The following TTC39C variants were observed in gnomAD, a reference collection of about 807,000 sequenced individuals.
TTC39C encodes tetratricopeptide repeat domain 39C.
Under a neutral mutation model 76.3 loss-of-function variants are expected in TTC39C, and 33 were observed. That is an observed-to-expected ratio of 0.43 (90% CI 0.33 to 0.58). The LOEUF (loss-of-function observed/expected upper bound fraction) is 0.58, where lower values mean the gene tolerates loss of function less well. TTC39C is among the 20% of genes least tolerant of loss of function. The probability of loss-of-function intolerance (pLI) is 0.04; values close to 1 mark genes in which losing one functional copy is unlikely to be tolerated. For missense variants in TTC39C, 595 were observed against 701.4 expected (o/e 0.85, Z 1.71); for synonymous variants, 254 against 260.6 (o/e 0.97, Z 0.24).
chr18:24,079,763 G>A (rs1210617624), intron 4 of TTC39C, among the ~76,000 whole-genome samples: 2 of 149,418 alleles, frequency 1.3e-5, no homozygotes, highest in Admixed American at 6.7e-5. Context: ...TTTTTTTTTG[G>A]CAAGACGCAA....
At chr18:24,012,234 G>GT (rs1309039804), upstream of TTC39C, among the ~76,000 whole-genome samples, 3 of 152,140 alleles carry the variant, frequency 2.0e-5, no homozygotes, top group African/African-American at 4.8e-5. Context: ...TGATGCTAAT[G>GT]TAACTGTTTT....
intron 8 of TTC39C, among the ~76,000 whole-genome samples, chr18:24,119,264 C>CG (rs1249080575): frequency 6.6e-6 from 1 of 152,172 alleles, no homozygotes; most frequent in Non-Finnish European, 1.5e-5. Flanking sequence ...GAAAGCCAAG[C>CG]GGTTGTACCT....
intron 1 of TTC39C, among the ~76,000 whole-genome samples, chr18:24,061,089 G>A (rs1453460338): frequency 6.6e-6 from 1 of 152,008 alleles, no homozygotes; most frequent in Non-Finnish European, 1.5e-5. Context: ...AAAACAAGAT[G>A]TATAAAAGGG....
chr18:24,088,046 C>T (rs1004084181), intron 6 of TTC39C, among the ~76,000 whole-genome samples: 6 of 152,148 alleles, frequency 3.9e-5, no homozygotes, highest in Non-Finnish European at 5.9e-5. Context: ...GGACTATTTA[C>T]TTTTCTTGTG....
rs531269158 is a variant in TTC39C at position 24,071,316 on chromosome 18, G to A, written c.460+2045G>A. Among the ~76,000 whole-genome samples the A allele has an allele frequency of 7.9e-4, 120 of 152,316 alleles. 2 individuals are homozygous for A. Among genetic ancestry groups the A allele is most frequent in the African/African-American group, 2.7e-3 (114 of 41,568 alleles). ...TTATAGAGCACATGCTGTGTGCTAA[G>A]CACTTAGTTAGATAAGCAAACACAG... On this transcript the variant is annotated intron_variant, in intron 4 of 13. Transcript: ENST00000317571.
rs936322530 is a variant in TTC39C, at chr18:24,014,898, G to C, written c.27G>C (p.Pro9=). The C allele has an allele frequency of 1.0e-5, 15 of 1,490,094 alleles. No individual in the cohort carries two copies. Among genetic ancestry groups the C allele is most frequent in the Non-Finnish European group, 1.3e-5 (15 of 1,121,026 alleles). The allele number at this position is 1,490,094 out of a possible 1,614,324, so 92.3% of individuals were successfully genotyped here. A position where few individuals can be genotyped will look rare whatever the true frequency, so the allele number is the denominator to read the frequency against. The part of the protein sequence containing the change: MAGSEQQR[P]RRRDDGDSDA... ...TGGCCGGCTCGGAGCAGCAGCGGCC[G>C]CGGCGGCGGGACGACGGAGACTCGG... Residue 9 remains proline, a synonymous_variant, in exon 1 of 14, where the codon CCG becomes CCC. Coordinates refer to ENST00000317571, the MANE Select transcript of TTC39C (RefSeq NM_001135993.2).
chr18:24,075,713 A>C (rs573328319), intron 4 of TTC39C, among the ~76,000 whole-genome samples: 14 of 151,870 alleles, frequency 9.2e-5, no homozygotes, highest in South Asian at 2.1e-4. Flanking sequence ...ACAAAAAAAA[A>C]ACCTCTATTA....
At chr18:24,022,524 A>G (rs991396538) in intron 1 of TTC39C, 8 of 982,322 alleles carry the variant, frequency 8.1e-6, no homozygotes, top group Admixed American at 1.2e-4. Flanking sequence ...ACCATGTGCT[A>G]TCTACCTCTC....
At chr18:24,103,976 G>C (rs1394335029) in intron 6 of TTC39C, among the ~76,000 whole-genome samples, 1 of 150,032 alleles carries the variant, frequency 6.7e-6, no homozygotes, top group Non-Finnish European at 1.5e-5. Flanking sequence ...CTGTCACCCA[G>C]GCTGGAGTGC....
chr18:24,103,683 G>A (rs2084707384), intron 6 of TTC39C, among the ~76,000 whole-genome samples: 1 of 152,040 alleles, frequency 6.6e-6, no homozygotes, highest in Admixed American at 6.6e-5. Flanking sequence ...GAATTTCAGA[G>A]GCCACTTCTT....
intron 6 of TTC39C, among the ~76,000 whole-genome samples, chr18:24,089,146 G>A (rs1431222627): frequency 2.6e-5 from 4 of 152,132 alleles, no homozygotes; most frequent in Non-Finnish European, 2.9e-5. Context: ...GGGAGACCCC[G>A]GGGGATCATG....
intron 10 of TTC39C, among the ~76,000 whole-genome samples, chr18:24,126,465 GA>G (rs1340195009): frequency 2.2e-5 from 3 of 136,976 alleles, no homozygotes; most frequent in African/African-American, 7.9e-5. Context: ...CCTCAAATGT[GA>G]AAACAAAACA....
At chr18:24,047,024 T>C (rs2083893327) in intron 1 of TTC39C, among the ~76,000 whole-genome samples, 1 of 151,962 alleles carries the variant, frequency 6.6e-6, no homozygotes, top group South Asian at 2.1e-4. Flanking sequence ...ATTCATATTC[T>C]GCCCTGCTCA....
intron 8 of TTC39C, chr18:24,121,048 A>G (rs1056785517): frequency 6.6e-6 from 1 of 152,240 alleles, no homozygotes; most frequent in Non-Finnish European, 1.5e-5. Flanking sequence ...ACCTTTGGGT[A>G]GATACCTAGA....
intron 6 of TTC39C, among the ~76,000 whole-genome samples, chr18:24,102,857 C>T (rs918262254): frequency 2.6e-5 from 4 of 152,182 alleles, no homozygotes; most frequent in African/African-American, 4.8e-5. Flanking sequence ...CCTGTACACT[C>T]CCACTTTGGG....
At chr18:24,053,554 G>A (rs142397883) in intron 1 of TTC39C, among the ~76,000 whole-genome samples, 144 of 152,280 alleles carry the variant, frequency 9.5e-4, no homozygotes, top group African/African-American at 3.2e-3. Flanking sequence ...ATAGTTTCCC[G>A]TGTCTGAATG....
At chr18:23,995,371 G>A (rs1194984003) in intron 1 of TTC39C, among the ~76,000 whole-genome samples, 1 of 152,094 alleles carries the variant, frequency 6.6e-6, no homozygotes, top group African/African-American at 2.4e-5. Flanking sequence ...TCAGGGGGCT[G>A]AGGCACGAAA....
intron 1 of TTC39C, among the ~76,000 whole-genome samples, chr18:24,038,476 A>G (rs75795033): frequency 1.3e-5 from 2 of 151,728 alleles, no homozygotes; most frequent in African/African-American, 4.8e-5. Context: ...AGAGACGGGG[A>G]CTCACCACAT....
Position 24,124,792 on chromosome 18 carries a change from C to T in TTC39C, c.1297-635C>T, listed in dbSNP as rs551065193. On this transcript the variant is annotated intron_variant, in intron 9 of 13. Transcript: ENST00000317571. Reference sequence around the variant, plus strand: ...TTAGTTCCTTAGGTGTGTGTAAGCCCGTTGAATTATTAGCTGTCACCAAGC... The same window carrying T: ...TTAGTTCCTTAGGTGTGTGTAAGCCTGTTGAATTATTAGCTGTCACCAAGC... Among the ~76,000 whole-genome samples, 12 of 152,238 alleles carry T rather than the reference C, an allele frequency of 7.9e-5. No homozygotes were observed. In the East Asian group the frequency reaches 1.3e-3, roughly 17 times the overall value.
Sources: gnomAD v4.1 joint callset for allele counts (sites outside exome capture counted in the v4.1 genomes callset) on GRCh38, gnomAD v4.1.1 for gene constraint, MANE v1.5 for transcripts, NCBI Gene and HGNC (gene_info 2026-07-23, HGNC 2026-07-21) for gene names.